The following WDR4 variants were observed in gnomAD, a reference collection of about 807,000 sequenced individuals.
WDR4 encodes the protein tRNA (guanine-N(7)-)-methyltransferase non-catalytic subunit WDR4.
Under a neutral mutation model 48.6 loss-of-function variants are expected in WDR4, and 47 were observed. That is an observed-to-expected ratio of 0.97 (90% confidence interval 0.77 to 1.23). WDR4 has a LOEUF of 1.23. Ranked by LOEUF, WDR4 falls within the 50% of genes most tolerant of loss-of-function variation. The probability of loss-of-function intolerance (pLI) is 0.00; values close to 1 mark genes in which losing one functional copy is unlikely to be tolerated. For missense variants in WDR4, 606 were observed against 551.6 expected, an observed-to-expected ratio of 1.10 and a Z score of -0.99; for synonymous variants, 268 against 230.0, an observed-to-expected ratio of 1.17 and a Z score of -1.49.
At chr21:42,860,036 C>G (rs898864529) in intron 5 of WDR4, among the ~76,000 whole-genome samples, 1 of 152,248 alleles carries the variant, frequency 6.6e-6, no homozygotes, top group East Asian at 1.9e-4. Flanking sequence ...CCCTCTGCAG[C>G]CCCCTCTGCA....
intron 4 of WDR4, 122 bp downstream of exon 4, chr21:42,863,318 T>C (rs1423373999): frequency 1.0e-5 from 13 of 1,240,992 alleles, no homozygotes; most frequent in African/African-American, 4.5e-5. Flanking sequence ...TCTAACAGCA[T>C]GGACAGGTGC....
intron 2 of WDR4, 77 bp downstream of exon 2, chr21:42,876,625 A>C: frequency 7.2e-7 from 1 of 1,387,700 alleles, no homozygotes; most frequent in Non-Finnish European, 1.0e-6. Context: ...AAGTAGGACA[A>C]CAATTGCTTC....
chr21:42,879,844 G>C, upstream of WDR4: 1 of 405,972 alleles, frequency 2.5e-6, no homozygotes, highest in Non-Finnish European at 4.4e-6. Flanking sequence ...CGTAGGACCT[G>C]ATGATGGCTA....
rs1278356353 is a variant in WDR4, at chr21:42,853,694, G to A, written c.850C>T (p.Gln284Ter). 1.9e-6 allele frequency: 3 copies of A among 1,576,866 alleles called. No individual in the cohort carries two copies. The highest frequency in any genetic ancestry group is 1.3e-5 in the African/African-American group (1 of 74,534). The change falls in exon 9 of 11, where the codon CAG becomes TAG. Residue 284 changes from glutamine to a stop codon, truncating the protein, a stop_gained. Coordinates refer to ENST00000398208, the MANE Select transcript of WDR4 (RefSeq NM_018669.6). LOFTEE classifies it high-confidence loss of function. ...DARRQQLVYR[Q>*]QLAFQHQVWD... ...ACTTGGTGCTGGAACGCCAGCTGCT[G>A]CCTGTACACCAACTGCTGTCTGCGG...
upstream of WDR4, among the ~76,000 whole-genome samples, chr21:42,882,275 T>C (rs531990714): frequency 6.7e-6 from 1 of 148,868 alleles, no homozygotes; most frequent in African/African-American, 2.4e-5. Flanking sequence ...AAGAAACTTA[T>C]GGATTGGCCG....
intron 1 of WDR4, 125 bp downstream of exon 1, chr21:42,879,282 G>T: frequency 7.1e-7 from 1 of 1,415,226 alleles, no homozygotes; most frequent in Non-Finnish European, 9.3e-7. Context: ...TCGTGGGCTG[G>T]AGCGGAGTTC....
At chr21:42,882,248 G>A (rs997076747), upstream of WDR4, among the ~76,000 whole-genome samples, 5 of 149,412 alleles carry the variant, frequency 3.3e-5, no homozygotes, top group African/African-American at 1.3e-4. Flanking sequence ...AGTGAGTGTG[G>A]GCTTTCTTTT....
In WDR4 at chr21:42,873,630, C is replaced by T; in HGVS notation, c.217G>A (p.Gly73Ser). The change falls in exon 3 of 11, where the codon GGC (glycine) becomes AGC (serine). Residue 73 changes from glycine (G) to serine (S), a missense_variant. By Grantham distance (56) the Gly-to-Ser change is moderately conservative. Transcript: ENST00000398208. ...TCATCGGTTAAAGCAAAATAGCTGCCAGACTTGGAGAAGGTGGACGCCAGA... is the reference window on the plus strand; with the variant it reads ...TCATCGGTTAAAGCAAAATAGCTGCTAGACTTGGAGAAGGTGGACGCCAGA... ...AILASTFSKS[G>S]SYFALTDDSK... 6.2e-7 allele frequency: 1 copy of T among 1,614,134 alleles called. No individual in the cohort carries two copies.
the WDR4 span, among the ~76,000 whole-genome samples, chr21:42,884,596 G>A: frequency 1.3e-5 from 2 of 151,484 alleles, no homozygotes; most frequent in Non-Finnish European, 2.9e-5. Context: ...GCAGTGAGCC[G>A]AGATCACGCC....
chr21:42,859,735 G>A lies in WDR4; in HGVS notation c.567-13C>T. 1 of 1,555,782 alleles carries A rather than the reference G, an allele frequency of 6.4e-7. No individual in the cohort carries two copies. ...ACGGCTCACAAACCTGTGAGGGCGA[G>A]AGAGAGCGGCAGAGTCAGCGAGCCC... On this transcript the variant is annotated splice_polypyrimidine_tract_variant and intron_variant, in intron 5 of 10. Coordinates refer to ENST00000398208, the MANE Select transcript of WDR4 (RefSeq NM_018669.6).
the WDR4 span, chr21:42,886,879 G>A: frequency 6.6e-6 from 1 of 152,256 alleles, no homozygotes; most frequent in Non-Finnish European, 1.5e-5. Flanking sequence ...AAACAAGGGT[G>A]TTCATTCACT....
At position 42,849,749 on chromosome 21, in the gene WDR4, C is replaced by CA. The variant is rs1203442365; in HGVS notation, c.*299dup. 6.0e-6 allele frequency: 2 copies of CA among 331,850 alleles called. No homozygotes were observed. The highest frequency in any genetic ancestry group is 1.1e-5 in the Non-Finnish European group (2 of 181,760). 20.6% of individuals were successfully genotyped at this position (331,850 alleles called of 1,614,324 possible). ...GGGCGGTATGAGAACAGGAGAAACA[C>CA]AGACAGCTGCCGCCACCACCGGCTC... On this transcript the variant is annotated 3_prime_UTR_variant, in exon 11 of 11. Coordinates refer to ENST00000398208, the MANE Select transcript of WDR4 (RefSeq NM_018669.6).
Position 42,852,278 on chromosome 21 carries a change from C to T in WDR4, c.1022G>A (p.Arg341His), listed in dbSNP as rs200946434. Residue 341 changes from arginine to histidine, a missense_variant, in exon 10 of 11, where the codon CGT (arginine) becomes CAT (histidine). Transcript: ENST00000398208. ...ACCTTCCAGCATGGCCCAGTTCCCA[C>T]GAAGAACACCAGAGACTTTCTTTAA... The part of the protein sequence containing the change: ...TVLKKVSGVL[R>H]GNWAMLEGSA... 1.4e-5 allele frequency: 22 copies of T among 1,614,172 alleles called. No homozygotes were observed. The South Asian group carries it at 1.4e-4, about 10-fold the overall frequency.
downstream of WDR4, among the ~76,000 whole-genome samples, chr21:42,845,419 A>AGCTGCT (rs1185469990): frequency 6.6e-6 from 1 of 152,256 alleles, no homozygotes; most frequent in East Asian, 1.9e-4. Context: ...GCGGCTGGTC[A>AGCTGCT]GCTGCTGCTG....
chr21:42,884,019 G>A (rs893199499), upstream of WDR4, among the ~76,000 whole-genome samples: 1 of 152,152 alleles, frequency 6.6e-6, no homozygotes, highest in Non-Finnish European at 1.5e-5. Flanking sequence ...GATTTTGCTA[G>A]TCTGGACATT....
chr21:42,881,008 C>G (rs940464179), upstream of WDR4, among the ~76,000 whole-genome samples: 6 of 151,950 alleles, frequency 3.9e-5, no homozygotes, highest in African/African-American at 1.5e-4. Flanking sequence ...CGAGTTCACG[C>G]CATTCTCCTG....
At chr21:42,865,305 C>G (rs976829836) in intron 3 of WDR4, among the ~76,000 whole-genome samples, 1 of 152,214 alleles carries the variant, frequency 6.6e-6, no homozygotes, top group Non-Finnish European at 1.5e-5. Flanking sequence ...CAGCCCTGCA[C>G]TGCACCAGCG....
intron 10 of WDR4, among the ~76,000 whole-genome samples, chr21:42,850,493 G>C (rs994224907): frequency 2.0e-5 from 3 of 152,208 alleles, no homozygotes; most frequent in African/African-American, 7.2e-5. Flanking sequence ...GGGCACCAAG[G>C]CTGGGCCTCC....
At chr21:42,863,361 G>A (rs1277820415) in intron 4 of WDR4, 79 bp downstream of exon 4, 10 of 1,515,456 alleles carry the variant, frequency 6.6e-6, no homozygotes, top group Middle Eastern at 1.8e-4. Context: ...TTGACTCAGC[G>A]TATGCCCCAC....
Sources: allele counts gnomAD v4.1 joint callset (sites outside exome capture counted in the v4.1 genomes callset), GRCh38; gene constraint gnomAD v4.1.1; transcripts MANE v1.5; gene names NCBI Gene and HGNC (gene_info 2026-07-23, HGNC 2026-07-21).